Variants in SAMD5 observed in about 807,000 individuals in gnomAD.
The protein encoded by SAMD5 is sterile alpha motif domain-containing protein 5.
Under a neutral mutation model 11.3 loss-of-function variants are expected in SAMD5, and 13 were observed. The ratio of observed to expected loss-of-function variants is 1.15; its 90% CI spans 0.75 to 1.83. SAMD5 has a LOEUF of 1.83. SAMD5 is among the 40% of genes most tolerant of loss of function. The pLI, the probability that SAMD5 is intolerant of heterozygous loss-of-function variation, is 0.00. For missense variants in SAMD5, 255 were observed against 239.1 expected (o/e 1.07, Z -0.44); for synonymous variants, 129 against 111.3 (o/e 1.16, Z -1.00).
chr6:147,864,266 C>T, the SAMD5 span, among the ~76,000 whole-genome samples: 1 of 152,164 alleles, frequency 6.6e-6, no homozygotes. Context: ...CTAAAAATGT[C>T]GGTTTCACTG....
At chr6:147,852,958 T>A in the SAMD5 span, among the ~76,000 whole-genome samples, 1 of 152,206 alleles carries the variant, frequency 6.6e-6, no homozygotes, top group Non-Finnish European at 1.5e-5. Flanking sequence ...CCTTAAAACA[T>A]TCGATTTGTC....
the SAMD5 span, among the ~76,000 whole-genome samples, chr6:147,827,437 G>A: frequency 1.3e-5 from 2 of 152,126 alleles, no homozygotes; most frequent in African/African-American, 2.4e-5. Context: ...AAAAATCACA[G>A]GTGAATTTCA....
At chr6:147,769,332 A>G in the SAMD5 span, among the ~76,000 whole-genome samples, 2 of 152,088 alleles carry the variant, frequency 1.3e-5, no homozygotes, top group South Asian at 2.1e-4. Context: ...TTAATTTCCT[A>G]CACTTCATCT....
the SAMD5 span, among the ~76,000 whole-genome samples, chr6:147,815,486 C>G: frequency 6.8e-3 from 1,029 of 152,240 alleles, 13 homozygotes; most frequent in African/African-American, 0.023. Flanking sequence ...AGGGAGTGCT[C>G]TGTTCTACCT....
At chr6:147,639,899 A>G (rs1254174354) in intron 1 of SAMD5, among the ~76,000 whole-genome samples, 1 of 152,052 alleles carries the variant, frequency 6.6e-6, no homozygotes, top group Non-Finnish European at 1.5e-5. Context: ...CTTTTCTATT[A>G]GAACAGGTTG....
At chr6:147,648,987 C>A (rs1056532702) in intron 1 of SAMD5, among the ~76,000 whole-genome samples, 9 of 152,154 alleles carry the variant, frequency 5.9e-5, no homozygotes, top group African/African-American at 2.2e-4. Flanking sequence ...AAGAATTAAT[C>A]GTGGAAGTGC....
chr6:147,896,587 C>T, the SAMD5 span, among the ~76,000 whole-genome samples: 1 of 151,748 alleles, frequency 6.6e-6, no homozygotes, highest in Non-Finnish European at 1.5e-5. Context: ...CAAAAATTAA[C>T]CCAGTAACAG....
At chr6:147,817,734 C>G in the SAMD5 span, among the ~76,000 whole-genome samples, 1 of 152,166 alleles carries the variant, frequency 6.6e-6, no homozygotes, top group Admixed American at 6.5e-5. Context: ...GTGGCAGCAT[C>G]CACACTCTTG....
the SAMD5 span, among the ~76,000 whole-genome samples, chr6:147,863,761 C>T: frequency 2.7e-5 from 4 of 150,806 alleles, no homozygotes; most frequent in African/African-American, 9.7e-5. Context: ...TTTTGTCTGT[C>T]ACTCAAACAC....
chr6:147,784,851 C>T, the SAMD5 span, among the ~76,000 whole-genome samples: 7 of 152,186 alleles, frequency 4.6e-5, no homozygotes, highest in Non-Finnish European at 8.8e-5. Flanking sequence ...CTAAAACAAA[C>T]TGCATTGTAT....
At chr6:147,700,462 TC>T (rs1200757555) in intron 1 of SAMD5, among the ~76,000 whole-genome samples, 1 of 152,184 alleles carries the variant, frequency 6.6e-6, no homozygotes, top group Non-Finnish European at 1.5e-5. Flanking sequence ...CAGGATTTTT[TC>T]CCCCCAGATA....
chr6:147,699,785 C>T (rs1342433752), intron 1 of SAMD5, among the ~76,000 whole-genome samples: 1 of 152,172 alleles, frequency 6.6e-6, no homozygotes, highest in Non-Finnish European at 1.5e-5. Flanking sequence ...GTGTAATTTA[C>T]ATGACTCAAG....
At chr6:147,673,392 T>C (rs576355012) in intron 1 of SAMD5, among the ~76,000 whole-genome samples, 83 of 152,208 alleles carry the variant, frequency 5.5e-4, no homozygotes, top group African/African-American at 1.9e-3. Flanking sequence ...TTTTTGTATT[T>C]TTGTTAGAGA....
At position 147,569,267 on chromosome 6, in the gene SAMD5, C is replaced by A. The variant is rs1789097479; in HGVS notation, c.*4811C>A. 4.1e-5 allele frequency: 14 copies of A among 339,836 alleles called. No individual in the cohort carries two copies. The highest frequency in any genetic ancestry group is 5.4e-5 in the Non-Finnish European group (13 of 241,616). The allele number at this position is 339,836 out of a possible 1,614,324, so 21.1% of individuals were successfully genotyped here. ...AAAAAAGAAAAATTGAAGAACATAA[C>A]TTTTCTACTTATGAAATAGATAATT... On this transcript the variant is annotated 3_prime_UTR_variant, in exon 2 of 2. Transcript: ENST00000367474.
Position 147,568,019 on chromosome 6 carries a change from C to A in SAMD5, c.*3563C>A, listed in dbSNP as rs967483226. The A allele has an allele frequency of 1.0e-6, 1 of 985,396 alleles. No homozygotes were observed. The highest frequency in any genetic ancestry group is 1.2e-6 in the Non-Finnish European group (1 of 829,928). 61.0% of individuals were successfully genotyped at this position (985,396 alleles called of 1,614,324 possible). A position where few individuals can be genotyped will look rare whatever the true frequency, so the allele number is the denominator to read the frequency against. ...ATGGACAGATTATATGAAGGTATTT[C>A]ATTAGCTTTCTTCTCTTTATGGCAG... On this transcript the variant is annotated 3_prime_UTR_variant, in exon 2 of 2. Transcript: ENST00000367474.
At chr6:147,894,313 G>A in the SAMD5 span, among the ~76,000 whole-genome samples, 7,151 of 151,976 alleles carry the variant, frequency 0.047, 215 homozygotes, top group Middle Eastern at 0.055. Context: ...TAGTAGAGAC[G>A]GGGTTTTACC....
chr6:147,647,579 GTAGA>G (rs888117668), intron 1 of SAMD5, among the ~76,000 whole-genome samples: 3 of 152,138 alleles, frequency 2.0e-5, no homozygotes, highest in Admixed American at 6.5e-5. Context: ...ATTATAAGTG[GTAGA>G]TAGTGAGGGA....
At chr6:147,646,014 GTATCTATCTATGTATC>G (rs1261622010) in intron 1 of SAMD5, among the ~76,000 whole-genome samples, 9,447 of 55,468 alleles carry the variant, frequency 0.17, 582 homozygotes, top group Admixed American at 0.24. Context: ...GTCTGTCTAT[GTATCTATCTATGTATC>G]TATCTATCTA....
At chr6:147,777,528 C>A in the SAMD5 span, among the ~76,000 whole-genome samples, 14 of 152,284 alleles carry the variant, frequency 9.2e-5, no homozygotes, top group Middle Eastern at 3.4e-3. Context: ...GTAAAATGCA[C>A]ACAACACGAA....
Sources: gnomAD v4.1 joint callset for allele counts (sites outside exome capture counted in the v4.1 genomes callset) on GRCh38, gnomAD v4.1.1 for gene constraint, MANE v1.5 for transcripts, NCBI Gene and HGNC (gene_info 2026-07-23, HGNC 2026-07-21) for gene names.